CBLB: variants seen among roughly 807,000 people sequenced by gnomAD.
The protein encoded by CBLB is E3 ubiquitin-protein ligase CBL-B.
In CBLB, 31 loss-of-function variants were observed where a neutral mutation model predicts 104.9. The observed-to-expected ratio is 0.30, with a 90% CI of 0.22 to 0.40. The LOEUF is 0.40. CBLB is among the 10% of genes least tolerant of loss of function. The pLI, the probability that CBLB is intolerant of heterozygous loss-of-function variation, is 1.00. For synonymous variants in CBLB, 440 were observed against 422.6 expected (o/e 1.04, Z -0.51); for missense variants, 1,062 against 1,214.6 (o/e 0.87, Z 1.87).
intron 10 of CBLB, among the ~76,000 whole-genome samples, chr3:105,711,268 A>G (rs941547551): frequency 6.6e-6 from 1 of 152,006 alleles, no homozygotes; most frequent in Non-Finnish European, 1.5e-5. Context: ...AGTTACTATA[A>G]TAAGGATGAT....
At chr3:105,696,304 C>T (rs1465966989) in intron 12 of CBLB, among the ~76,000 whole-genome samples, 3 of 151,628 alleles carry the variant, frequency 2.0e-5, no homozygotes, top group East Asian at 1.9e-4. Flanking sequence ...AATGGCTGTT[C>T]ATATTTATTG....
intron 18 of CBLB, 43 bp downstream of exon 18, chr3:105,670,190 T>C (rs1445379015): frequency 6.4e-7 from 1 of 1,567,540 alleles, no homozygotes; most frequent in African/African-American, 1.4e-5. Context: ...AAAAGCACTA[T>C]ATAACAATAA....
At chr3:105,850,034 A>T (rs2153113556) in intron 3 of CBLB, among the ~76,000 whole-genome samples, 1 of 152,204 alleles carries the variant, frequency 6.6e-6, no homozygotes, top group East Asian at 1.9e-4. Context: ...TCCTCTTGTT[A>T]TTCCTGGAGA....
chr3:105,776,751 T>G (rs1243203384), intron 3 of CBLB, among the ~76,000 whole-genome samples: 1 of 152,174 alleles, frequency 6.6e-6, no homozygotes, highest in Non-Finnish European at 1.5e-5. Flanking sequence ...GCTGTCAACT[T>G]ATTAGTTATC....
At chr3:105,820,236 G>T (rs182197035) in intron 3 of CBLB, among the ~76,000 whole-genome samples, 2 of 152,098 alleles carry the variant, frequency 1.3e-5, no homozygotes, top group African/African-American at 4.8e-5. Context: ...GACAGGAGGC[G>T]GAGCCCAGGT....
intron 2 of CBLB, among the ~76,000 whole-genome samples, chr3:105,855,260 G>C (rs1265598617): frequency 3.3e-5 from 5 of 152,192 alleles, no homozygotes; most frequent in Non-Finnish European, 5.9e-5. Flanking sequence ...CAGGGATGGG[G>C]AGGGGAAGAA....
chr3:105,669,889 G>C (rs2064881803), intron 18 of CBLB, among the ~76,000 whole-genome samples: 1 of 152,104 alleles, frequency 6.6e-6, no homozygotes, highest in Non-Finnish European at 1.5e-5. Flanking sequence ...TAATTCCATA[G>C]AGATTGCTAT....
chr3:105,806,703 G>A (rs2083554528), intron 3 of CBLB, among the ~76,000 whole-genome samples: 1 of 151,894 alleles, frequency 6.6e-6, no homozygotes, highest in Non-Finnish European at 1.5e-5. Context: ...CCCTGCAACA[G>A]GTTACTTTTA....
intron 12 of CBLB, among the ~76,000 whole-genome samples, chr3:105,700,830 A>T (rs1031851924): frequency 1.3e-5 from 2 of 152,194 alleles, no homozygotes; most frequent in Non-Finnish European, 2.9e-5. Flanking sequence ...CTGTCATACA[A>T]AGTGTTCATT....
At chr3:105,735,872 G>A (rs2074877261) in intron 8 of CBLB, among the ~76,000 whole-genome samples, 1 of 152,174 alleles carries the variant, frequency 6.6e-6, no homozygotes, top group South Asian at 2.1e-4. Context: ...CTCGAACCCA[G>A]AGGGCAGAGG....
At chr3:105,713,965 C>T (rs1166179915) in intron 10 of CBLB, among the ~76,000 whole-genome samples, 1 of 152,136 alleles carries the variant, frequency 6.6e-6, no homozygotes, top group Non-Finnish European at 1.5e-5. Flanking sequence ...AAAGTGTCCC[C>T]ATATATTACT....
At chr3:105,693,397 C>G (rs2152756762) in intron 13 of CBLB, 97 bp downstream of exon 13, 1 of 749,662 alleles carries the variant, frequency 1.3e-6, no homozygotes, top group Non-Finnish European at 2.4e-6. Context: ...CAATGACTTT[C>G]TATTCATCAT....
chr3:105,768,968 G>A lies in CBLB; in HGVS notation c.566+7428C>T, dbSNP rs148879364. Among the ~76,000 whole-genome samples the A allele has an allele frequency of 1.5e-4, 23 of 152,320 alleles. No homozygotes were observed. In the East Asian group the frequency reaches 4.2e-3, roughly 28 times the overall value. ...ATATATAATGAAGTCATTGGAAATT[G>A]AGAGTAGAGGATAGACATCGTCCAT... On this transcript the variant is annotated intron_variant, in intron 4 of 18. Transcript: ENST00000394030.
chr3:105,701,195 T>G (rs1017787232), intron 12 of CBLB, among the ~76,000 whole-genome samples: 1 of 152,198 alleles, frequency 6.6e-6, no homozygotes, highest in Non-Finnish European at 1.5e-5. Context: ...CATAAACTCC[T>G]TCCTGGACAT....
Position 105,658,516 on chromosome 3 carries a change from G to T in CBLB, c.*454C>A. The T allele has an allele frequency of 4.1e-6, 1 of 245,722 alleles. No individual in the cohort carries two copies. The highest frequency in any genetic ancestry group is 8.0e-6 in the Non-Finnish European group (1 of 124,396). 15.2% of individuals were successfully genotyped at this position (245,722 alleles called of 1,614,324 possible). ...ATGGTAGAGATCCATATGAATAAAT[G>T]ATTTAGCTGTTGATGTGGACAGCAA... is the stretch of plus-strand genomic sequence containing the variant. On this transcript the variant is annotated 3_prime_UTR_variant, in exon 19 of 19. Coordinates refer to ENST00000394030, the MANE Select transcript of CBLB (RefSeq NM_170662.5).
chr3:105,854,244 G>GCATATAAC (rs1284784195), intron 2 of CBLB, among the ~76,000 whole-genome samples: 1 of 152,180 alleles, frequency 6.6e-6, no homozygotes, highest in African/African-American at 2.4e-5. Context: ...TAAACATGTG[G>GCATATAAC]CATATAACGG....
chr3:105,680,956 T>C (rs2066247590), intron 16 of CBLB: 1 of 159,828 alleles, frequency 6.3e-6, no homozygotes, highest in Non-Finnish European at 1.4e-5. Flanking sequence ...ATAGGATGTT[T>C]CTTCATTATT....
chr3:105,850,133 C>T (rs187722354), intron 3 of CBLB, among the ~76,000 whole-genome samples: 3 of 152,160 alleles, frequency 2.0e-5, no homozygotes, highest in Middle Eastern at 3.4e-3. Flanking sequence ...TATTAAGTGA[C>T]GAGCCCAAAG....
rs773971447 is a variant in CBLB, at chr3:105,867,416, G to A, written c.162C>T (p.Asp54=). The A allele has an allele frequency of 1.9e-6, 3 of 1,614,124 alleles. No individual in the cohort carries two copies. The highest frequency in any genetic ancestry group is 1.7e-6 in the Non-Finnish European group (2 of 1,179,974). ...RTVEKTWKLM[D]KVVRLCQNPK... ...AACGTCAGACAGAACTTACCACTTT[G>A]TCCATGAGCTTCCAAGTCTTCTCCA... is the stretch of plus-strand genomic sequence containing the variant. Residue 54 remains aspartate (D), a synonymous_variant, in exon 2 of 19, where the codon GAC becomes GAT. Coordinates refer to ENST00000394030, the MANE Select transcript of CBLB (RefSeq NM_170662.5).
Sources: allele counts gnomAD v4.1 joint callset (sites outside exome capture counted in the v4.1 genomes callset), GRCh38; gene constraint gnomAD v4.1.1; transcripts MANE v1.5; gene names NCBI Gene and HGNC (gene_info 2026-07-23, HGNC 2026-07-21).